The following MYBL2 variants were observed in gnomAD, a reference collection of about 807,000 sequenced individuals.
MYBL2 encodes myb-related protein B.
Under a neutral mutation model 79.9 loss-of-function variants are expected in MYBL2, and 28 were observed. The observed-to-expected ratio is 0.35, with a 90% CI of 0.26 to 0.48. The LOEUF is 0.48. Ranked by LOEUF, MYBL2 falls within the 20% of genes least tolerant of loss-of-function variation. The pLI is 0.99. For synonymous variants in MYBL2, 378 were observed against 361.2 expected (o/e 1.05, Z -0.53); for missense variants, 735 against 893.9 (o/e 0.82, Z 2.27).
chr20:43,678,188 C>T (rs1987058595), intron 2 of MYBL2, among the ~76,000 whole-genome samples: 1 of 152,132 alleles, frequency 6.6e-6, no homozygotes. Context: ...GGTCCTCTGC[C>T]TAGGAAAACC....
intron 6 of MYBL2, among the ~76,000 whole-genome samples, chr20:43,697,273 A>C (rs1373794928): frequency 6.6e-6 from 1 of 151,892 alleles, no homozygotes; most frequent in African/African-American, 2.4e-5. Context: ...TTTGGAGTTG[A>C]TCTTTTTTTT....
chr20:43,696,482 A>G (rs1218999628), intron 6 of MYBL2, among the ~76,000 whole-genome samples: 1 of 152,134 alleles, frequency 6.6e-6, no homozygotes, highest in Non-Finnish European at 1.5e-5. Flanking sequence ...TGGCCTCCCA[A>G]AATACTGGGA....
intron 4 of MYBL2, among the ~76,000 whole-genome samples, chr20:43,684,500 G>T (rs1221349724): frequency 6.6e-6 from 1 of 150,512 alleles, no homozygotes; most frequent in Non-Finnish European, 1.5e-5. Context: ...CTCCCAAAGT[G>T]CTGGGATTAC....
chr20:43,685,309 C>T (rs555439950), intron 4 of MYBL2, among the ~76,000 whole-genome samples: 1 of 151,664 alleles, frequency 6.6e-6, no homozygotes, highest in East Asian at 2.0e-4. Context: ...GCCTCCGGAG[C>T]AGCTGAGATT....
intron 1 of MYBL2, among the ~76,000 whole-genome samples, chr20:43,673,107 C>T (rs993532603): frequency 2.2e-4 from 33 of 152,074 alleles, no homozygotes; most frequent in Admixed American, 1.3e-3. Flanking sequence ...CCGCACCCAG[C>T]TAATATTTGT....
intron 2 of MYBL2, among the ~76,000 whole-genome samples, chr20:43,674,400 T>C (rs1430576690): frequency 6.6e-6 from 1 of 151,412 alleles, no homozygotes; most frequent in Non-Finnish European, 1.5e-5. Flanking sequence ...AATTTTTTTT[T>C]TTTTTTGAGA....
At chr20:43,715,761 G>A (rs545436836) in intron 13 of MYBL2, among the ~76,000 whole-genome samples, 198 bp from the exon 14 acceptor site, 2 of 152,250 alleles carry the variant, frequency 1.3e-5, no homozygotes, top group African/African-American at 2.4e-5. Context: ...CTTGTCCAGC[G>A]TCCTACTTAC....
At chr20:43,674,391 ATT>A (rs3091618) in intron 2 of MYBL2, among the ~76,000 whole-genome samples, 4,137 of 135,858 alleles carry the variant, frequency 0.03, 73 homozygotes, top group Non-Finnish European at 0.041. Context: ...CATCCAGCTA[ATT>A]TTTTTTTTTT....
At chr20:43,712,918 C>G in intron 11 of MYBL2, 84 bp from the exon 12 acceptor site, 1 of 1,058,934 alleles carries the variant, frequency 9.4e-7, no homozygotes, top group Non-Finnish European at 1.4e-6. Context: ...GGTTTTGTGA[C>G]CATCCATGGC....
chr20:43,688,982 G>T (rs1987343453), intron 5 of MYBL2, among the ~76,000 whole-genome samples: 1 of 151,960 alleles, frequency 6.6e-6, no homozygotes, highest in South Asian at 2.1e-4. Context: ...TAGAGATGGG[G>T]TTTTGCCATC....
chr20:43,670,478 T>C (rs868522040), intron 1 of MYBL2, among the ~76,000 whole-genome samples: 3 of 152,166 alleles, frequency 2.0e-5, no homozygotes, highest in Non-Finnish European at 4.4e-5. Flanking sequence ...AAAATTTAAT[T>C]AGTATTTCTT....
chr20:43,683,077 C>G (rs1987181243), intron 4 of MYBL2, among the ~76,000 whole-genome samples, 191 bp downstream of exon 4: 1 of 152,168 alleles, frequency 6.6e-6, no homozygotes, highest in South Asian at 2.1e-4. Context: ...CAGAGTGTCT[C>G]CAGGCTTCCT....
Position 43,667,315 on chromosome 20 carries a change from C to G in MYBL2, c.20+12C>G. The G allele has an allele frequency of 8.1e-7, 1 of 1,230,182 alleles. No individual in the cohort carries two copies. The highest frequency in any genetic ancestry group is 1.0e-6 in the Non-Finnish European group (1 of 985,314). The allele number at this position is 1,230,182 out of a possible 1,614,324, so 76.2% of individuals were successfully genotyped here. ...CGGCGGACGCGCTGGTGAGACGAGCCGGGAGGGCTTGGGCCCCTCCCCCTC... is the reference window on the plus strand; with the variant it reads ...CGGCGGACGCGCTGGTGAGACGAGCGGGGAGGGCTTGGGCCCCTCCCCCTC... On this transcript the variant is annotated intron_variant, in intron 1 of 13. Transcript: ENST00000217026.
In MYBL2 at chr20:43,716,311, C is replaced by T; in HGVS notation, c.*224C>T. 1.6e-6 allele frequency: 1 copy of T among 613,906 alleles called. No individual in the cohort carries two copies. Among genetic ancestry groups the T allele is most frequent in the Admixed American group, 3.6e-5 (1 of 28,060 alleles). 38.0% of individuals were successfully genotyped at this position (613,906 alleles called of 1,614,324 possible). A position where few individuals can be genotyped will look rare whatever the true frequency, so the allele number is the denominator to read the frequency against. On this transcript the variant is annotated 3_prime_UTR_variant, in exon 14 of 14. Transcript: ENST00000217026. ...TAACAACAAAGTTCCACTTCCAGGT[C>T]TGCCTGGTTCCCTCCCCAAGGCCAC...
chr20:43,673,763 T>C (rs1010909135), intron 1 of MYBL2, 43 bp from the exon 2 acceptor site: 13 of 1,559,124 alleles, frequency 8.3e-6, no homozygotes, highest in Non-Finnish European at 1.1e-5. Flanking sequence ...ATGTAAAACA[T>C]ATGGACACAC....
intron 5 of MYBL2, among the ~76,000 whole-genome samples, chr20:43,691,947 TA>T (rs1195138521): frequency 6.6e-6 from 1 of 152,146 alleles, no homozygotes; most frequent in Non-Finnish European, 1.5e-5. Context: ...TTCAGTTGCT[TA>T]TTTCACAGAG....
At position 43,692,263 on chromosome 20, in the gene MYBL2, C is replaced by A. The variant is rs767532710; in HGVS notation, c.607C>A (p.Leu203Met). 6.2e-7 allele frequency: 1 copy of A among 1,614,178 alleles called. No individual in the cohort carries two copies. Among genetic ancestry groups the A allele is most frequent in the Admixed American group, 1.7e-5 (1 of 60,016 alleles). ...AGACTGCAAGCCCCCAGTGTACTTG[C>A]TGCTGGAGCTCGAGGACAAGGACGG... The part of the protein sequence containing the change: ...SKDCKPPVYL[L>M]LELEDKDGLQ... Residue 203 changes from leucine (L) to methionine (M), a missense_variant, in exon 6 of 14, where the codon CTG (leucine) becomes ATG (methionine). By Grantham distance (15) the Leu-to-Met change is conservative. Transcript: ENST00000217026.
chr20:43,684,384 C>A (rs1406580666), intron 4 of MYBL2, among the ~76,000 whole-genome samples: 1 of 151,864 alleles, frequency 6.6e-6, no homozygotes, highest in Non-Finnish European at 1.5e-5. Flanking sequence ...TTACAGGCGC[C>A]TGCCACCACG....
Position 43,715,205 on chromosome 20 carries a change from C to T in MYBL2, c.1896C>T (p.Asn632=). Reference sequence around the variant, plus strand: ...TCAAAGAAGACAACAGCTTGCTCAACCAGGGCTTCTTGCAGGCCAAGCCCG... The same window carrying T: ...TCAAAGAAGACAACAGCTTGCTCAATCAGGGCTTCTTGCAGGCCAAGCCCG... ...SGIKEDNSLL[N]QGFLQAKPEK... Residue 632 remains asparagine, a synonymous_variant, in exon 13 of 14, where the codon AAC becomes AAT. Transcript: ENST00000217026. The T allele has an allele frequency of 6.2e-7, 1 of 1,614,254 alleles. No homozygotes were observed. Among genetic ancestry groups the T allele is most frequent in the Non-Finnish European group, 8.5e-7 (1 of 1,180,054 alleles).
Sources: allele counts gnomAD v4.1 joint callset (sites outside exome capture counted in the v4.1 genomes callset), GRCh38; gene constraint gnomAD v4.1.1; transcripts MANE v1.5; gene names NCBI Gene and HGNC (gene_info 2026-07-23, HGNC 2026-07-21).